PCDH15: variants seen among roughly 807,000 people sequenced by gnomAD.
PCDH15 encodes the protein protocadherin related 15.
A neutral mutation model predicts 178.5 loss-of-function variants in PCDH15; 129 were observed. That is an observed-to-expected ratio of 0.72 (90% confidence interval 0.63 to 0.84). The LOEUF is 0.84. PCDH15 is among the 40% of genes least tolerant of loss of function. The pLI, the probability that PCDH15 is intolerant of heterozygous loss-of-function variation, is 0.00. For missense variants in PCDH15, 2,230 were observed against 2,099.9 expected, an observed-to-expected ratio of 1.06 and a Z score of -1.21; for synonymous variants, 800 against 732.0, an observed-to-expected ratio of 1.09 and a Z score of -1.50.
intron 2 of PCDH15, among the ~76,000 whole-genome samples, chr10:55,125,768 A>G (rs993823117): frequency 1.3e-5 from 2 of 152,132 alleles, no homozygotes; most frequent in African/African-American, 4.8e-5. Flanking sequence ...TAGAGTAGCA[A>G]GAGGCAAGGG....
intron 3 of PCDH15, among the ~76,000 whole-genome samples, chr10:54,858,270 C>T (rs548318061): frequency 4.6e-5 from 7 of 152,124 alleles, no homozygotes; most frequent in South Asian, 2.1e-4. Flanking sequence ...CATAATATTC[C>T]GTTGTGTATA....
At chr10:54,715,129 G>A (rs1378696219) in intron 1 of PCDH15, among the ~76,000 whole-genome samples, 1 of 152,002 alleles carries the variant, frequency 6.6e-6, no homozygotes, top group East Asian at 1.9e-4. Context: ...ATCTGTTTTA[G>A]TTCACCACTA....
At chr10:55,475,386 ATAT>A (rs1840042544) in intron 2 of PCDH15, among the ~76,000 whole-genome samples, 1 of 152,158 alleles carries the variant, frequency 6.6e-6, no homozygotes, top group Admixed American at 6.6e-5. Flanking sequence ...ACTTGCAACA[ATAT>A]TATAACAGAT....
At chr10:55,444,135 G>T (rs548995172) in intron 2 of PCDH15, among the ~76,000 whole-genome samples, 1 of 151,818 alleles carries the variant, frequency 6.6e-6, no homozygotes, top group Non-Finnish European at 1.5e-5. Flanking sequence ...GGCCTATCGG[G>T]GGGTGGGGGG....
rs143400558 is a variant in PCDH15, at chr10:54,886,187, T to C, written c.-29+11263A>G. On this transcript the variant is annotated intron_variant, in intron 3 of 5. Transcript: ENST00000458638. ...CAGTAGGTTCAAAGATCTACGGAAA[T>C]GAGACATTTAATTTATAGTTAATAA... is the stretch of plus-strand genomic sequence containing the variant. Among the ~76,000 whole-genome samples, 132 of 145,296 alleles carry C rather than the reference T, an allele frequency of 9.1e-4. 4 individuals carry two copies. In the East Asian group the frequency reaches 0.02, roughly 23 times the overall value.
Position 54,571,856 on chromosome 10 carries a change from T to C in PCDH15, c.92-43979A>G, listed in dbSNP as rs576597799. Among the ~76,000 whole-genome samples, 7 of 152,276 alleles carry C rather than the reference T, an allele frequency of 4.6e-5. No individual in the cohort carries two copies. In the East Asian group the frequency reaches 5.8e-4, roughly 13 times the overall value. ...TGGACCCATGTTCCAATTCTATACA[T>C]CAAAAATTGTGAAAATTTCTAGAGG... On this transcript the variant is annotated intron_variant, in intron 2 of 37. Coordinates refer to ENST00000644397, the MANE Select transcript of PCDH15 (RefSeq NM_001384140.1).
intron 1 of PCDH15, among the ~76,000 whole-genome samples, chr10:55,184,672 T>G (rs1839746761): frequency 6.6e-6 from 1 of 151,912 alleles, no homozygotes. Flanking sequence ...AAAATAAAGA[T>G]TTAACACATA....
At chr10:54,942,774 A>T (rs879296720) in intron 2 of PCDH15, among the ~76,000 whole-genome samples, 6 of 152,056 alleles carry the variant, frequency 3.9e-5, no homozygotes, top group Non-Finnish European at 7.4e-5. Context: ...AGTGTAGTTA[A>T]ATAGATTGTT....
intron 2 of PCDH15, among the ~76,000 whole-genome samples, chr10:54,661,716 T>A (rs896282874): frequency 6.6e-6 from 1 of 151,776 alleles, no homozygotes; most frequent in African/African-American, 2.4e-5. Flanking sequence ...GACACATAGA[T>A]CTATGGACAC....
chr10:54,668,051 T>C (rs549173475), intron 1 of PCDH15, among the ~76,000 whole-genome samples: 8 of 152,230 alleles, frequency 5.3e-5, no homozygotes, highest in Non-Finnish European at 1.2e-4. Context: ...TAATTTTGAA[T>C]TTCACATCAT....
At chr10:55,401,589 C>T (rs1361787674) in intron 2 of PCDH15, among the ~76,000 whole-genome samples, 1 of 102,894 alleles carries the variant, frequency 9.7e-6, no homozygotes, top group Admixed American at 9.9e-5. Context: ...GACCAATTTG[C>T]CTTACTGTGT....
intron 2 of PCDH15, among the ~76,000 whole-genome samples, chr10:54,921,368 G>A (rs1837482884): frequency 6.6e-6 from 1 of 151,750 alleles, no homozygotes; most frequent in Non-Finnish European, 1.5e-5. Flanking sequence ...TACATGTGAA[G>A]GTTTGTTGTA....
At chr10:54,612,105 A>G (rs757138747) in intron 2 of PCDH15, among the ~76,000 whole-genome samples, 55 of 151,870 alleles carry the variant, frequency 3.6e-4, no homozygotes, top group Non-Finnish European at 6.5e-4. Context: ...GCAGAGTGGT[A>G]GCATAACACA....
At chr10:54,152,646 AAAGATGC>A (rs1179615382) in intron 14 of PCDH15, among the ~76,000 whole-genome samples, 1 of 152,126 alleles carries the variant, frequency 6.6e-6, no homozygotes, top group Non-Finnish European at 1.5e-5. Flanking sequence ...GGGAGACTAG[AAAGATGC>A]AATTGTAATA....
At chr10:55,164,155 C>T (rs557373153) in intron 2 of PCDH15, among the ~76,000 whole-genome samples, 5 of 152,042 alleles carry the variant, frequency 3.3e-5, no homozygotes, top group South Asian at 2.1e-4. Context: ...GTCTCTGTTT[C>T]GTATTACACA....
rs180934300 is a variant in PCDH15 at position 54,041,412 on chromosome 10, C to T, written c.2221-18215G>A. Among the ~76,000 whole-genome samples, 393 of 152,136 alleles carry T rather than the reference C, an allele frequency of 2.6e-3. 3 individuals carry two copies. Among genetic ancestry groups the T allele is most frequent in the Non-Finnish European group, 4.5e-3 (304 of 67,980 alleles). On this transcript the variant is annotated intron_variant, in intron 18 of 37. Transcript: ENST00000644397. ...TTTAAGCTGAACAACATTTTCAGGG[C>T]TGGGGCTCTAACTAAGGACAAGAGT...
intron 3 of PCDH15, among the ~76,000 whole-genome samples, chr10:54,873,334 T>C (rs1954073415): frequency 1.3e-5 from 2 of 151,892 alleles, no homozygotes; most frequent in Admixed American, 1.3e-4. Context: ...TTGTGAAATA[T>C]AGTTGGGTAA....
At chr10:54,518,723 C>G (rs1417042576) in intron 3 of PCDH15, among the ~76,000 whole-genome samples, 1 of 152,166 alleles carries the variant, frequency 6.6e-6, no homozygotes, top group Non-Finnish European at 1.5e-5. Flanking sequence ...AGGCCAGCAT[C>G]ATCCTGATAC....
chr10:54,771,090 T>C (rs1949033755), intron 1 of PCDH15, among the ~76,000 whole-genome samples: 1 of 152,116 alleles, frequency 6.6e-6, no homozygotes, highest in African/African-American at 2.4e-5. Flanking sequence ...ACCACACTAT[T>C]GACACACTCA....
Sources: allele counts gnomAD v4.1 joint callset (sites outside exome capture counted in the v4.1 genomes callset), GRCh38; gene constraint gnomAD v4.1.1; transcripts MANE v1.5; gene names NCBI Gene and HGNC (gene_info 2026-07-23, HGNC 2026-07-21).